The following RNLS variants were observed in gnomAD, a reference collection of about 807,000 sequenced individuals.
RNLS encodes renalase.
Under a neutral mutation model 39.8 loss-of-function variants are expected in RNLS, and 39 were observed. That is an observed-to-expected ratio of 0.98 (90% CI 0.76 to 1.28). RNLS has a LOEUF of 1.28. Among genes scored for constraint, RNLS ranks in the 50% most tolerant of loss-of-function variants. The pLI is 0.00. For missense variants in RNLS, 410 were observed against 413.3 expected (o/e 0.99, Z 0.07); for synonymous variants, 147 against 150.7 (o/e 0.98, Z 0.18).
chr10:88,538,783 G>A (rs542330919), intron 4 of RNLS, among the ~76,000 whole-genome samples: 19 of 152,018 alleles, frequency 1.2e-4, no homozygotes, highest in Non-Finnish European at 2.1e-4. Context: ...TTAAGAAAAT[G>A]TATATGGCTG....
At chr10:88,411,538 C>CTTCTTTTT (rs1853655423) in intron 4 of RNLS, among the ~76,000 whole-genome samples, 1 of 150,674 alleles carries the variant, frequency 6.6e-6, no homozygotes. Flanking sequence ...TTTTTTTCCA[C>CTTCTTTTT]TTTTCCAATT....
the RNLS span, among the ~76,000 whole-genome samples, chr10:88,238,781 A>AT: frequency 1.3e-5 from 2 of 152,074 alleles, no homozygotes; most frequent in South Asian, 2.1e-4. Flanking sequence ...ATTTGGAAAT[A>AT]TTTTTTCTGC....
chr10:88,211,579 G>A, the RNLS span, among the ~76,000 whole-genome samples: 2 of 152,192 alleles, frequency 1.3e-5, no homozygotes, highest in East Asian at 1.9e-4. Flanking sequence ...AGTCAGCCAG[G>A]TGAAAGACAG....
intron 6 of RNLS, among the ~76,000 whole-genome samples, chr10:88,278,241 G>A (rs1299067948): frequency 2.0e-5 from 3 of 151,816 alleles, no homozygotes; most frequent in Non-Finnish European, 2.9e-5. Flanking sequence ...TCTCCACAAC[G>A]GTCTCTGTAT....
At chr10:88,266,740 A>C in the RNLS span, among the ~76,000 whole-genome samples, 313 of 144,690 alleles carry the variant, frequency 2.2e-3, no homozygotes, top group Non-Finnish European at 3.8e-3. Context: ...CACACACCCC[A>C]CACACACCAC....
At chr10:88,244,620 G>A in the RNLS span, among the ~76,000 whole-genome samples, 1 of 151,920 alleles carries the variant, frequency 6.6e-6, no homozygotes, top group African/African-American at 2.4e-5. Context: ...AAACCCTGCT[G>A]TATCATCTCG....
the RNLS span, among the ~76,000 whole-genome samples, chr10:88,201,096 T>C: frequency 6.6e-6 from 1 of 152,152 alleles, no homozygotes; most frequent in Non-Finnish European, 1.5e-5. Flanking sequence ...GCTTCTTGTC[T>C]GGGTATGGAG....
intron 5 of RNLS, among the ~76,000 whole-genome samples, chr10:88,354,625 T>C (rs1264532768): frequency 6.6e-6 from 1 of 152,202 alleles, no homozygotes. Context: ...TAACCGGACC[T>C]TTCTCTCTGG....
At chr10:88,460,492 T>C (rs892852327) in intron 4 of RNLS, among the ~76,000 whole-genome samples, 4 of 151,978 alleles carry the variant, frequency 2.6e-5, no homozygotes, top group Admixed American at 2.6e-4. Flanking sequence ...ACATCACAAC[T>C]CACTATCACA....
chr10:88,224,983 A>G, the RNLS span, among the ~76,000 whole-genome samples: 1 of 152,236 alleles, frequency 6.6e-6, no homozygotes, highest in Admixed American at 6.5e-5. Flanking sequence ...CCTGATAGGT[A>G]TCTTACTGGA....
chr10:88,356,488 C>T (rs1849201112), intron 5 of RNLS, among the ~76,000 whole-genome samples: 1 of 152,188 alleles, frequency 6.6e-6, no homozygotes, highest in South Asian at 2.1e-4. Flanking sequence ...AGGCCCATCC[C>T]AGTTATTTAT....
chr10:88,343,722 T>C (rs748231664), intron 5 of RNLS: 45 of 985,284 alleles, frequency 4.6e-5, no homozygotes, highest in Middle Eastern at 5.2e-4. Flanking sequence ...AAGATTTTCT[T>C]TGGCCGACAC....
At chr10:88,545,366 A>G in intron 4 of RNLS, 1 of 437,976 alleles carries the variant, frequency 2.3e-6, no homozygotes, top group South Asian at 1.7e-5. Flanking sequence ...ATTTATAAAG[A>G]AAAAGAGGTT....
the RNLS span, among the ~76,000 whole-genome samples, chr10:88,187,938 A>T: frequency 6.6e-6 from 1 of 152,226 alleles, no homozygotes; most frequent in African/African-American, 2.4e-5. Context: ...GTATTCATGG[A>T]CATTTAGCAT....
chr10:88,560,804 C>A (rs555853744), intron 4 of RNLS, among the ~76,000 whole-genome samples: 1 of 152,154 alleles, frequency 6.6e-6, no homozygotes, highest in East Asian at 1.9e-4. Flanking sequence ...AAGAAACACA[C>A]CACACATATG....
At chr10:88,414,452 T>C (rs894822040) in intron 4 of RNLS, among the ~76,000 whole-genome samples, 2 of 152,202 alleles carry the variant, frequency 1.3e-5, no homozygotes, top group Non-Finnish European at 2.9e-5. Context: ...ATAACTCTTA[T>C]CAGATTCTTG....
At chr10:88,499,484 T>C (rs1845349167) in intron 4 of RNLS, among the ~76,000 whole-genome samples, 1 of 152,160 alleles carries the variant, frequency 6.6e-6, no homozygotes, top group Admixed American at 6.6e-5. Flanking sequence ...TTAGAAGTTC[T>C]TACGAAAAAT....
chr10:88,209,343 T>C, the RNLS span, among the ~76,000 whole-genome samples: 1 of 152,090 alleles, frequency 6.6e-6, no homozygotes. Context: ...CCATTATGAC[T>C]GGTGTCTCAT....
chr10:88,553,002 C>CTATTA (rs1419751429), intron 4 of RNLS, among the ~76,000 whole-genome samples: 1 of 152,088 alleles, frequency 6.6e-6, no homozygotes, highest in Non-Finnish European at 1.5e-5. Flanking sequence ...GGAATAGGGA[C>CTATTA]TATTATGAAA....
Sources: allele counts gnomAD v4.1 joint callset (sites outside exome capture counted in the v4.1 genomes callset), GRCh38; gene constraint gnomAD v4.1.1; transcripts MANE v1.5; gene names NCBI Gene and HGNC (gene_info 2026-07-23, HGNC 2026-07-21).